ASTN2: variants seen among roughly 807,000 people sequenced by gnomAD.
ASTN2 encodes the protein astrotactin-2.
Under a neutral mutation model 139.8 loss-of-function variants are expected in ASTN2, and 54 were observed. That is an observed-to-expected ratio of 0.39 (90% CI 0.31 to 0.48). ASTN2 has a LOEUF of 0.48. ASTN2 is among the 20% of genes least tolerant of loss of function. The pLI, the probability that ASTN2 is intolerant of heterozygous loss-of-function variation, is 0.95. For missense variants in ASTN2, 1,565 were observed against 1,725.1 expected (o/e 0.91, Z 1.64); for synonymous variants, 756 against 719.5 (o/e 1.05, Z -0.81).
At chr9:116,651,404 T>C (rs1588142810) in intron 17 of ASTN2, 124 bp downstream of exon 17, 2 of 1,114,586 alleles carry the variant, frequency 1.8e-6, no homozygotes, top group African/African-American at 3.1e-5. Context: ...TAAATGCTAG[T>C]AATCACCATG....
intron 5 of ASTN2, among the ~76,000 whole-genome samples, chr9:117,089,257 A>G (rs539091553): frequency 1.4e-4 from 21 of 152,354 alleles, no homozygotes; most frequent in African/African-American, 5.1e-4. Context: ...AAGCTAGTTA[A>G]TGGTGAGGTG....
At chr9:116,491,477 T>G (rs1849516325) in intron 19 of ASTN2, among the ~76,000 whole-genome samples, 1 of 152,152 alleles carries the variant, frequency 6.6e-6, no homozygotes, top group African/African-American at 2.4e-5. Context: ...AATTTGCAAT[T>G]GAATTCCCGC....
chr9:117,089,174 T>C (rs1237266518), intron 5 of ASTN2, among the ~76,000 whole-genome samples: 3 of 152,156 alleles, frequency 2.0e-5, no homozygotes, highest in Non-Finnish European at 4.4e-5. Context: ...CTTGATGACA[T>C]ATGATGTAAA....
chr9:117,329,286 A>C (rs1270062103), intron 1 of ASTN2, among the ~76,000 whole-genome samples: 1 of 149,120 alleles, frequency 6.7e-6, no homozygotes, highest in Non-Finnish European at 1.5e-5. Flanking sequence ...CACAGGTATG[A>C]GGTAGATACC....
chr9:117,016,503 A>G (rs963881981), intron 6 of ASTN2, among the ~76,000 whole-genome samples: 2 of 150,634 alleles, frequency 1.3e-5, no homozygotes, highest in African/African-American at 4.9e-5. Flanking sequence ...ACCACTTCAT[A>G]GAAGAGACAT....
At chr9:116,629,031 G>A (rs1856599270) in intron 17 of ASTN2, among the ~76,000 whole-genome samples, 2 of 151,816 alleles carry the variant, frequency 1.3e-5, no homozygotes, top group South Asian at 4.2e-4. Flanking sequence ...TCTGTGCCTA[G>A]TGCTAGGGCA....
intron 19 of ASTN2, among the ~76,000 whole-genome samples, chr9:116,555,570 A>C (rs573671965): frequency 6.6e-6 from 1 of 152,146 alleles, no homozygotes; most frequent in South Asian, 2.1e-4. Context: ...GAGCTCACAG[A>C]AGACCTCTGG....
At chr9:117,151,820 C>T (rs1464388317) in intron 3 of ASTN2, among the ~76,000 whole-genome samples, 2 of 152,104 alleles carry the variant, frequency 1.3e-5, no homozygotes, top group Non-Finnish European at 2.9e-5. Flanking sequence ...GGAAAGAGAG[C>T]CTGCTGTTTT....
chr9:116,512,592 G>C (rs58350844), intron 19 of ASTN2, among the ~76,000 whole-genome samples: 1,885 of 152,246 alleles, frequency 0.012, 34 homozygotes, highest in African/African-American at 0.043. Context: ...GTCTAATGTT[G>C]ACAGTGGGGT....
chr9:116,532,032 T>C (rs1851375626), intron 19 of ASTN2, among the ~76,000 whole-genome samples: 1 of 152,186 alleles, frequency 6.6e-6, no homozygotes, highest in Admixed American at 6.5e-5. Flanking sequence ...CACCTGTTGT[T>C]TCCTGACTTT....
chr9:117,056,764 CA>C (rs1452057710), intron 5 of ASTN2, among the ~76,000 whole-genome samples: 1 of 152,100 alleles, frequency 6.6e-6, no homozygotes, highest in Non-Finnish European at 1.5e-5. Context: ...TACAATCAGA[CA>C]AATAAAGTTT....
At chr9:117,127,507 G>A (rs1169760082) in intron 4 of ASTN2, among the ~76,000 whole-genome samples, 2 of 152,204 alleles carry the variant, frequency 1.3e-5, no homozygotes, top group Non-Finnish European at 1.5e-5. Flanking sequence ...GGCCCAATGG[G>A]TTCATCTTGT....
chr9:117,207,342 G>A (rs1471373653), intron 3 of ASTN2, among the ~76,000 whole-genome samples: 1 of 152,114 alleles, frequency 6.6e-6, no homozygotes, highest in Non-Finnish European at 1.5e-5. Context: ...CTGACAAACA[G>A]CCCTGTACCC....
chr9:117,103,629 T>A (rs1407465371), intron 4 of ASTN2, among the ~76,000 whole-genome samples: 2 of 152,282 alleles, frequency 1.3e-5, no homozygotes, highest in East Asian at 3.9e-4. Context: ...CCACACTCCA[T>A]CTCCTGCTCT....
chr9:117,231,285 T>C (rs978997479), intron 2 of ASTN2, among the ~76,000 whole-genome samples: 5 of 152,250 alleles, frequency 3.3e-5, no homozygotes, highest in African/African-American at 9.6e-5. Flanking sequence ...CTGTCTACAA[T>C]GGCCCTAGGC....
intron 1 of ASTN2, among the ~76,000 whole-genome samples, chr9:117,314,304 G>A (rs1389911375): frequency 1.3e-5 from 2 of 152,022 alleles, no homozygotes; most frequent in African/African-American, 4.8e-5. Context: ...AGCATCCTGG[G>A]AGGAAAAGGG....
intron 5 of ASTN2, among the ~76,000 whole-genome samples, chr9:117,056,039 G>T (rs944044173): frequency 6.6e-6 from 1 of 152,182 alleles, no homozygotes; most frequent in Non-Finnish European, 1.5e-5. Context: ...CTGGCTCACG[G>T]CTCTCAAGGA....
intron 10 of ASTN2, among the ~76,000 whole-genome samples, chr9:116,864,137 C>T (rs552688511): frequency 1.8e-4 from 28 of 152,296 alleles, no homozygotes; most frequent in African/African-American, 6.5e-4. Flanking sequence ...CTGCCTAACT[C>T]TTAGCTTGCA....
At chr9:116,538,504 G>A (rs991826754) in intron 19 of ASTN2, among the ~76,000 whole-genome samples, 5 of 152,136 alleles carry the variant, frequency 3.3e-5, no homozygotes, top group Non-Finnish European at 7.3e-5. Flanking sequence ...GAACCACAGA[G>A]CTGAAGGGGA....
Sources: gnomAD v4.1 joint callset for allele counts (sites outside exome capture counted in the v4.1 genomes callset) on GRCh38, gnomAD v4.1.1 for gene constraint, MANE v1.5 for transcripts, NCBI Gene and HGNC (gene_info 2026-07-23, HGNC 2026-07-21) for gene names.